Variants in CTIF observed in about 807,000 individuals in gnomAD.
CTIF encodes the protein cap binding complex dependent translation initiation factor, also known as CBP80/20-dependent translation initiation factor.
In CTIF, 21 loss-of-function variants were observed where a neutral mutation model predicts 66.0. That is an observed-to-expected ratio of 0.32 (90% CI 0.23 to 0.46). The LOEUF is 0.46. Ranked by LOEUF, CTIF falls within the 20% of genes least tolerant of loss-of-function variation. The pLI is 1.00. For missense variants in CTIF, 739 were observed against 812.7 expected, an observed-to-expected ratio of 0.91 and a Z score of 1.10; for synonymous variants, 345 against 326.4, an observed-to-expected ratio of 1.06 and a Z score of -0.62.
intron 1 of CTIF, among the ~76,000 whole-genome samples, chr18:48,555,539 A>G (rs557664542): frequency 3.9e-5 from 6 of 152,328 alleles, no homozygotes; most frequent in Admixed American, 3.3e-4. Context: ...GGGATGTTTC[A>G]TGCAGGCTCC....
At chr18:48,638,992 T>C (rs1172299726) in intron 3 of CTIF, among the ~76,000 whole-genome samples, 5 of 152,076 alleles carry the variant, frequency 3.3e-5, no homozygotes, top group Non-Finnish European at 7.4e-5. Flanking sequence ...CGACTGATCA[T>C]CTCAGAGGGA....
intron 7 of CTIF, among the ~76,000 whole-genome samples, chr18:48,754,052 C>A (rs1908098285): frequency 6.6e-6 from 1 of 152,248 alleles, no homozygotes. Flanking sequence ...CCTAGGTCTC[C>A]ATTGCTGGGG....
intron 1 of CTIF, among the ~76,000 whole-genome samples, chr18:48,595,793 C>T (rs1024349872): frequency 3.9e-5 from 6 of 152,086 alleles, no homozygotes; most frequent in South Asian, 2.1e-4. Context: ...GGGATCTCTC[C>T]GAGGCTGCAA....
chr18:48,606,313 C>T (rs965790221), intron 1 of CTIF, among the ~76,000 whole-genome samples: 1 of 152,218 alleles, frequency 6.6e-6, no homozygotes, highest in Non-Finnish European at 1.5e-5. Context: ...ATTGCTAGTC[C>T]AGGGCAAATG....
intron 5 of CTIF, among the ~76,000 whole-genome samples, chr18:48,669,384 G>C (rs1476215935): frequency 6.6e-6 from 1 of 151,836 alleles, no homozygotes; most frequent in African/African-American, 2.4e-5. Flanking sequence ...ACTATGCACC[G>C]GCCATGCTCC....
At chr18:48,622,577 TGTCTG>T (rs2090516764) in intron 2 of CTIF, among the ~76,000 whole-genome samples, 1 of 152,136 alleles carries the variant, frequency 6.6e-6, no homozygotes, top group East Asian at 1.9e-4. Context: ...TGGAGGGTCT[TGTCTG>T]GTGGTGCATT....
intron 6 of CTIF, among the ~76,000 whole-genome samples, chr18:48,698,423 G>A (rs755391016): frequency 5.3e-5 from 8 of 152,070 alleles, no homozygotes; most frequent in Non-Finnish European, 1.0e-4. Flanking sequence ...GTGTTGCCCC[G>A]GCTGGTCTCG....
At chr18:48,779,095 G>A (rs1462082975) in intron 9 of CTIF, among the ~76,000 whole-genome samples, 1 of 152,168 alleles carries the variant, frequency 6.6e-6, no homozygotes, top group South Asian at 2.1e-4. Flanking sequence ...TCCTTTGGGT[G>A]GATGAGGCTT....
chr18:48,680,106 T>TA (rs1425909675), intron 6 of CTIF, among the ~76,000 whole-genome samples: 1 of 152,174 alleles, frequency 6.6e-6, no homozygotes. Context: ...TGACTGAGCC[T>TA]ATGCCCTCCT....
At chr18:48,750,475 T>C (rs2145813441) in intron 7 of CTIF, among the ~76,000 whole-genome samples, 1 of 152,340 alleles carries the variant, frequency 6.6e-6, no homozygotes, top group South Asian at 2.1e-4. Flanking sequence ...CTTTCCTCCC[T>C]TCCCCACGAG....
intron 1 of CTIF, among the ~76,000 whole-genome samples, chr18:48,541,363 A>G (rs1397340351): frequency 6.6e-6 from 1 of 151,822 alleles, no homozygotes; most frequent in Non-Finnish European, 1.5e-5. Flanking sequence ...GTAGGGCGAA[A>G]GTGACACAGC....
intron 6 of CTIF, among the ~76,000 whole-genome samples, chr18:48,672,550 C>G (rs1053725048): frequency 6.6e-6 from 1 of 152,180 alleles, no homozygotes; most frequent in African/African-American, 2.4e-5. Flanking sequence ...ACCTCCAGCC[C>G]TCCTATGGGA....
intron 10 of CTIF, among the ~76,000 whole-genome samples, chr18:48,840,200 A>G (rs2068905840): frequency 6.6e-6 from 1 of 152,200 alleles, no homozygotes; most frequent in African/African-American, 2.4e-5. Context: ...AGCAAAACCC[A>G]GAGGCAGATA....
chr18:48,585,452 A>G (rs773969914), intron 1 of CTIF, among the ~76,000 whole-genome samples: 2 of 152,146 alleles, frequency 1.3e-5, no homozygotes, highest in African/African-American at 2.4e-5. Context: ...TGTGGCATTC[A>G]TTGCTGAAGC....
chr18:48,839,602 C>T (rs1460634455), intron 10 of CTIF, among the ~76,000 whole-genome samples: 1 of 152,168 alleles, frequency 6.6e-6, no homozygotes, highest in Non-Finnish European at 1.5e-5. Context: ...CTGTATTGCA[C>T]AACATGACTG....
intron 7 of CTIF, among the ~76,000 whole-genome samples, chr18:48,742,177 A>C (rs958516189): frequency 1.7e-4 from 26 of 152,258 alleles, no homozygotes; most frequent in African/African-American, 6.3e-4. Context: ...CAGGGTGACC[A>C]GGACCGTTTC....
intron 9 of CTIF, among the ~76,000 whole-genome samples, chr18:48,804,995 A>T (rs1319093069): frequency 1.3e-5 from 2 of 152,220 alleles, no homozygotes; most frequent in Non-Finnish European, 2.9e-5. Flanking sequence ...AAGTCACAGG[A>T]ACCAACTTGA....
intron 7 of CTIF, among the ~76,000 whole-genome samples, chr18:48,752,494 T>C (rs959382819): frequency 1.2e-4 from 19 of 152,160 alleles, no homozygotes; most frequent in African/African-American, 4.6e-4. Flanking sequence ...AAAACACAAA[T>C]CTGAGTTCCA....
chr18:48,604,692 A>G (rs894097723), intron 1 of CTIF, among the ~76,000 whole-genome samples: 2 of 152,206 alleles, frequency 1.3e-5, no homozygotes, highest in Non-Finnish European at 2.9e-5. Context: ...ATACAATTAA[A>G]TGGTTTTCAG....
Sources: gnomAD v4.1 joint callset for allele counts (sites outside exome capture counted in the v4.1 genomes callset) on GRCh38, gnomAD v4.1.1 for gene constraint, MANE v1.5 for transcripts, NCBI Gene and HGNC (gene_info 2026-07-23, HGNC 2026-07-21) for gene names.